SAP30L: variants seen among roughly 807,000 people sequenced by gnomAD.
SAP30L encodes the protein histone deacetylase complex subunit SAP30L.
A neutral mutation model predicts 22.3 loss-of-function variants in SAP30L; 10 were observed. That is an observed-to-expected ratio of 0.45 (90% CI 0.28 to 0.76). The LOEUF (loss-of-function observed/expected upper bound fraction) is 0.76. Ranked by LOEUF, SAP30L falls within the 30% of genes least tolerant of loss-of-function variation. The pLI is 0.14. For missense variants in SAP30L, 206 were observed against 237.9 expected, an observed-to-expected ratio of 0.87 and a Z score of 0.88; for synonymous variants, 91 against 94.1, an observed-to-expected ratio of 0.97 and a Z score of 0.19.
At chr5:154,448,173 G>C (rs1009208107) in intron 1 of SAP30L, among the ~76,000 whole-genome samples, 8 of 151,752 alleles carry the variant, frequency 5.3e-5, no homozygotes, top group African/African-American at 1.7e-4. Context: ...ATAGGGTTTC[G>C]CCATGTTGGA....
intron 3 of SAP30L, 82 bp downstream of exon 3, chr5:154,453,582 T>C: frequency 2.1e-6 from 2 of 940,594 alleles, no homozygotes; most frequent in Non-Finnish European, 3.4e-6. Flanking sequence ...TTACCTTGTG[T>C]GTCTGCTAAT....
At chr5:154,454,610 C>T (rs1177358497) in intron 3 of SAP30L, among the ~76,000 whole-genome samples, 7 of 152,102 alleles carry the variant, frequency 4.6e-5, no homozygotes, top group South Asian at 4.1e-4. Flanking sequence ...CTTGCTCGAC[C>T]GTCACTTTTT....
At chr5:154,452,384 G>GTT in intron 2 of SAP30L, 8 of 567,696 alleles carry the variant, frequency 1.4e-5, no homozygotes, top group South Asian at 7.7e-5. Flanking sequence ...AAAAAAAAAG[G>GTT]TTTTGAGGAA....
chr5:154,455,001 C>A (rs1269183512), intron 3 of SAP30L, among the ~76,000 whole-genome samples: 2 of 152,006 alleles, frequency 1.3e-5, no homozygotes, highest in Non-Finnish European at 2.9e-5. Flanking sequence ...CTCACCACAG[C>A]CTCCACCTCC....
At position 154,446,791 on chromosome 5, in the gene SAP30L, G is replaced by A. The variant is rs781418385; in HGVS notation, c.187G>A (p.Asp63Asn). The part of the protein sequence containing the change: ...KSISQKKLKL[D>N]IDKSVRHLYI... ...CATCTCGCAGAAGAAACTCAAGCTG[G>A]ACATCGACAAGAGCGTGAGTCCGCC... Residue 63 changes from aspartate (D) to asparagine (N), a missense_variant, in exon 1 of 4, where the codon GAC becomes AAC. This residue lies in a region of SAP30L where 136 missense variants were observed against 187.4 expected (regional missense o/e 0.73). Transcript: ENST00000297109. The A allele has an allele frequency of 1.2e-6, 2 of 1,604,040 alleles. No individual in the cohort carries two copies. The highest frequency in any genetic ancestry group is 3.4e-5 in the Admixed American group (2 of 59,428).
In SAP30L at chr5:154,458,774, A is replaced by G. The variant is rs914623781; in HGVS notation, c.*2746A>G. 4 of 152,216 alleles carry G rather than the reference A, an allele frequency of 2.6e-5. No homozygotes were observed. Among genetic ancestry groups the G allele is most frequent in the African/African-American group, 7.2e-5 (3 of 41,440 alleles). 9.4% of individuals were successfully genotyped at this position (152,216 alleles called of 1,614,324 possible). A position where few individuals can be genotyped will look rare whatever the true frequency, so the allele number is the denominator to read the frequency against. Reference sequence around the variant, plus strand: ...TTGTTTTAAGATGTTTTAAAAACCAATGGACAAACTTCTTGCTTCAAGGAA... The same window carrying G: ...TTGTTTTAAGATGTTTTAAAAACCAGTGGACAAACTTCTTGCTTCAAGGAA... On this transcript the variant is annotated 3_prime_UTR_variant, in exon 4 of 4. Coordinates refer to ENST00000297109, the MANE Select transcript of SAP30L (RefSeq NM_024632.6).
rs1757310364 is a variant in SAP30L at position 154,458,550 on chromosome 5, CTT to C, written c.*2523_*2524del. On this transcript the variant is annotated 3_prime_UTR_variant, in exon 4 of 4. Transcript: ENST00000297109. ...ATTTTTATACCATCCATCAAGGACT[CTT>C]GCGCTTCTCTCCACCTGTGACGTAG... 1 of 152,196 alleles carries C rather than the reference CTT, an allele frequency of 6.6e-6. No homozygotes were observed. Among genetic ancestry groups the C allele is most frequent in the Non-Finnish European group, 1.5e-5 (1 of 68,070 alleles). The allele number at this position is 152,196 out of a possible 1,614,324, so 9.4% of individuals were successfully genotyped here. A position where few individuals can be genotyped will look rare whatever the true frequency, so the allele number is the denominator to read the frequency against.
chr5:154,450,967 A>G, intron 1 of SAP30L, 124 bp from the exon 2 acceptor site: 1 of 1,007,960 alleles, frequency 9.9e-7, no homozygotes, highest in Non-Finnish European at 1.5e-6. Context: ...ATGATGGCCT[A>G]CATCTTGTCT....
chr5:154,456,049 G>T lies in SAP30L; in HGVS notation c.*21G>T, dbSNP rs6875805. On this transcript the variant is annotated 3_prime_UTR_variant, in exon 4 of 4. Transcript: ENST00000297109. The stretch of plus-strand genomic sequence containing the variant: ...AGTGAGGATGAAGCACATCTTAAAG[G>T]AATGAAGTGTAATGCTTGATGCACA... 2 of 1,611,210 alleles carry T rather than the reference G, an allele frequency of 1.2e-6. No homozygotes were observed. The highest frequency in any genetic ancestry group is 2.2e-5 in the South Asian group (2 of 90,504).
chr5:154,448,251 C>T (rs778793415), intron 1 of SAP30L, among the ~76,000 whole-genome samples: 25 of 152,174 alleles, frequency 1.6e-4, no homozygotes, highest in South Asian at 2.1e-4. Flanking sequence ...TCTGGGATTA[C>T]AGGCGTGAGC....
intron 1 of SAP30L, among the ~76,000 whole-genome samples, chr5:154,448,079 G>A (rs1314476834): frequency 4.1e-5 from 6 of 145,926 alleles, no homozygotes; most frequent in Admixed American, 7.0e-5. Context: ...GGGTTGAAGC[G>A]ATTCTCCTGC....
chr5:154,452,364 C>CT, intron 2 of SAP30L: 2 of 317,850 alleles, frequency 6.3e-6, no homozygotes, highest in Non-Finnish European at 7.3e-6. Context: ...GTGGTTTTCA[C>CT]CAAAAAAAAA....
chr5:154,452,409 A>T (rs1757163084), intron 2 of SAP30L: 1 of 929,520 alleles, frequency 1.1e-6, no homozygotes, highest in African/African-American at 1.8e-5. Context: ...TTGAAAAAGA[A>T]TGAAGGACTT....
Position 154,446,610 on chromosome 5 carries a change from C to A in SAP30L, c.6C>A (p.Asn2Lys). 6.7e-7 allele frequency: 1 copy of A among 1,484,556 alleles called. No individual in the cohort carries two copies. The allele number at this position is 1,484,556 out of a possible 1,614,324, so 92.0% of individuals were successfully genotyped here. ...GACCGGCCCGGGGCGGGGAGATGAA[C>A]GGCTTCAGCACGGAGGAGGACAGCC... M[N>K]GFSTEEDSRE... Residue 2 changes from asparagine to lysine, a missense_variant, in exon 1 of 4, where the codon AAC becomes AAA. Transcript: ENST00000297109.
Position 154,456,171 on chromosome 5 carries a change from AG to A in SAP30L, c.*145del. 4 of 798,232 alleles carry A rather than the reference AG, an allele frequency of 5.0e-6. No homozygotes were observed. Among genetic ancestry groups the A allele is most frequent in the Non-Finnish European group, 7.4e-6 (4 of 541,132 alleles). 49.4% of individuals were successfully genotyped at this position (798,232 alleles called of 1,614,324 possible). A position where few individuals can be genotyped will look rare whatever the true frequency, so the allele number is the denominator to read the frequency against. ...AATACTGTAAATCTTTTTGGTCAGGAGGATTATATTCTCATGATTCAGCATG... is the reference window on the plus strand; with the variant it reads ...AATACTGTAAATCTTTTTGGTCAGGAGATTATATTCTCATGATTCAGCATG... On this transcript the variant is annotated 3_prime_UTR_variant, in exon 4 of 4. Coordinates refer to ENST00000297109, the MANE Select transcript of SAP30L (RefSeq NM_024632.6).
In SAP30L at chr5:154,446,656, C is replaced by T. The variant is rs1757016116; in HGVS notation, c.52C>T (p.Pro18Ser). The change falls in exon 1 of 4, where the codon CCA (proline) becomes TCA (serine). Residue 18 changes from proline (P) to serine (S), a missense_variant. This residue lies in a region of SAP30L where 70 missense variants were observed against 50.5 expected (regional missense o/e 1.39). Coordinates refer to ENST00000297109, the MANE Select transcript of SAP30L (RefSeq NM_024632.6). ...EDSREGPPAA[P>S]AAAAPGYGQS... ...CAGCCGCGAAGGGCCCCCCGCCGCC[C>T]CAGCTGCCGCCGCCCCGGGCTACGG... 9.1e-6 allele frequency: 14 copies of T among 1,542,796 alleles called. No individual in the cohort carries two copies. The highest frequency in any genetic ancestry group is 1.2e-5 in the Non-Finnish European group (14 of 1,147,732).
chr5:154,447,020 C>T (rs1176279316), intron 1 of SAP30L, among the ~76,000 whole-genome samples: 1 of 152,252 alleles, frequency 6.6e-6, no homozygotes, highest in Admixed American at 6.5e-5. Flanking sequence ...GGGGCGGGGG[C>T]TTCAGGACTC....
intron 1 of SAP30L, among the ~76,000 whole-genome samples, chr5:154,448,651 C>T (rs901501605): frequency 3.3e-5 from 5 of 152,206 alleles, no homozygotes; most frequent in Admixed American, 2.6e-4. Flanking sequence ...GATGCCTTCC[C>T]ATCTGAATGA....
chr5:154,453,812 CT>C (rs34431052), intron 3 of SAP30L, among the ~76,000 whole-genome samples: 2 of 152,132 alleles, frequency 1.3e-5, no homozygotes, highest in African/African-American at 4.8e-5. Flanking sequence ...TTGTTTGAAT[CT>C]TTTTTGGAAG....
Sources: allele counts gnomAD v4.1 joint callset (sites outside exome capture counted in the v4.1 genomes callset), GRCh38; gene constraint gnomAD v4.1.1; regional missense constraint gnomAD v4.1.1; transcripts MANE v1.5; gene names NCBI Gene and HGNC (gene_info 2026-07-23, HGNC 2026-07-21).